STAU2: variants seen among roughly 807,000 people sequenced by gnomAD.
The protein encoded by STAU2 is double-stranded RNA-binding protein Staufen homolog 2.
A neutral mutation model predicts 65.9 loss-of-function variants in STAU2; 20 were observed. The observed-to-expected ratio is 0.30, with a 90% CI of 0.21 to 0.44. STAU2 has a LOEUF of 0.44. STAU2 is among the 20% of genes least tolerant of loss of function. STAU2 has a pLI of 1.00. For synonymous variants in STAU2, 232 were observed against 233.9 expected (o/e 0.99, Z 0.07); for missense variants, 558 against 683.9 (o/e 0.82, Z 2.05).
At chr8:73,612,798 T>C (rs963856247) in intron 9 of STAU2, among the ~76,000 whole-genome samples, 1 of 152,168 alleles carries the variant, frequency 6.6e-6, no homozygotes, top group Admixed American at 6.5e-5. Flanking sequence ...TAATCCTTCA[T>C]TTGTATAGCC....
chr8:73,459,194 T>A (rs893173826), intron 13 of STAU2, among the ~76,000 whole-genome samples: 1 of 152,168 alleles, frequency 6.6e-6, no homozygotes, highest in African/African-American at 2.4e-5. Context: ...TGCAGAGACA[T>A]AATTTGAAAA....
chr8:73,721,287 C>CAAAAAAAAAAAA (rs35721754), intron 3 of STAU2, among the ~76,000 whole-genome samples: 26 of 12,462 alleles, frequency 2.1e-3, no homozygotes, highest in East Asian at 8.2e-3. Flanking sequence ...ACCCCACCTC[C>CAAAAAAAAAAAA]AAAAAAAAAA....
At chr8:73,718,886 T>A (rs1439667254) in intron 3 of STAU2, among the ~76,000 whole-genome samples, 1 of 152,256 alleles carries the variant, frequency 6.6e-6, no homozygotes, top group Non-Finnish European at 1.5e-5. Context: ...TGCTCTTCTA[T>A]CCTGCAACTC....
chr8:73,728,646 T>C (rs1805820818), intron 3 of STAU2, among the ~76,000 whole-genome samples: 1 of 152,200 alleles, frequency 6.6e-6, no homozygotes, highest in Admixed American at 6.5e-5. Flanking sequence ...AGTGCACAAG[T>C]CTTTCATAAG....
At chr8:73,600,406 C>G (rs563648152) in intron 10 of STAU2, among the ~76,000 whole-genome samples, 1 of 152,234 alleles carries the variant, frequency 6.6e-6, no homozygotes, top group South Asian at 2.1e-4. Flanking sequence ...AGTCTTTGGA[C>G]CTCACTCTGA....
chr8:73,727,783 T>C (rs562178904), intron 3 of STAU2: 5 of 152,332 alleles, frequency 3.3e-5, no homozygotes, highest in African/African-American at 7.2e-5. Flanking sequence ...CTTTGAGGAA[T>C]TGTCAAACTC....
chr8:73,607,821 TAA>T (rs1471329798), intron 9 of STAU2, among the ~76,000 whole-genome samples: 1 of 151,746 alleles, frequency 6.6e-6, no homozygotes, highest in African/African-American at 2.4e-5. Flanking sequence ...TTCCTAGAAA[TAA>T]AAGTCTGCGT....
chr8:73,469,783 T>C (rs189649275), intron 13 of STAU2, among the ~76,000 whole-genome samples: 131 of 152,294 alleles, frequency 8.6e-4, no homozygotes, highest in African/African-American at 2.8e-3. Flanking sequence ...GAGAATCAGA[T>C]TAAACCTCGA....
chr8:73,586,405 T>C (rs545545953), intron 11 of STAU2, among the ~76,000 whole-genome samples: 8 of 152,228 alleles, frequency 5.3e-5, no homozygotes, highest in African/African-American at 1.4e-4. Flanking sequence ...GTCAGGTGCC[T>C]ACCCCTTCCT....
chr8:73,575,179 G>C lies in STAU2; in HGVS notation c.1222+7591C>G, dbSNP rs754907331. On this transcript the variant is annotated intron_variant, in intron 12 of 14. Coordinates refer to ENST00000524300, the MANE Select transcript of STAU2 (RefSeq NM_001164380.2). ...GACTAACCAATCTAATGTCCAAAGG[G>C]ACATCAGATATGGTTATGTCATTCA... is the stretch of plus-strand genomic sequence containing the variant. Among the ~76,000 whole-genome samples, 140 of 149,462 alleles carry C rather than the reference G, an allele frequency of 9.4e-4. 1 individual carries two copies. Among genetic ancestry groups the C allele is most frequent in the Middle Eastern group, 6.4e-3 (2 of 312 alleles).
intron 13 of STAU2, among the ~76,000 whole-genome samples, chr8:73,515,779 T>C: frequency 8.4e-6 from 1 of 118,494 alleles, no homozygotes; most frequent in African/African-American, 3.4e-5. Flanking sequence ...TTCTCTTTTT[T>C]TTTTTTTTTT....
chr8:73,700,494 T>C (rs1219750641), intron 4 of STAU2, among the ~76,000 whole-genome samples: 2 of 152,066 alleles, frequency 1.3e-5, no homozygotes, highest in Non-Finnish European at 2.9e-5. Flanking sequence ...AAAATAAATA[T>C]ACTAAATCAG....
chr8:73,604,378 C>T (rs1811861743), intron 9 of STAU2, among the ~76,000 whole-genome samples: 1 of 151,948 alleles, frequency 6.6e-6, no homozygotes, highest in African/African-American at 2.4e-5. Context: ...ACAGGCGCGC[C>T]CACACCATGC....
In STAU2 at chr8:73,602,612, ACT is replaced by A. The variant is rs1392356263; in HGVS notation, c.1029+1112_1029+1113del. Among the ~76,000 whole-genome samples, 3 of 151,828 alleles carry A rather than the reference ACT, an allele frequency of 2.0e-5. No homozygotes were observed. In the East Asian group the frequency reaches 5.8e-4, roughly 29 times the overall value. On this transcript the variant is annotated intron_variant, in intron 10 of 14. Coordinates refer to ENST00000524300, the MANE Select transcript of STAU2 (RefSeq NM_001164380.2). ...TAGTGTATGCGTGTAATCCTAGGCT[ACT>A]CAGGAGGCTGAAAAGGGAGGATCTC...
At chr8:73,476,675 TA>T (rs1448474540) in intron 13 of STAU2, among the ~76,000 whole-genome samples, 1 of 152,174 alleles carries the variant, frequency 6.6e-6, no homozygotes, top group Non-Finnish European at 1.5e-5. Flanking sequence ...ACAACGTAAA[TA>T]TCGAGGCAGA....
intron 10 of STAU2, among the ~76,000 whole-genome samples, chr8:73,602,826 T>C (rs1418363320): frequency 6.6e-6 from 1 of 152,010 alleles, no homozygotes; most frequent in Admixed American, 6.6e-5. Flanking sequence ...TCATGTCTAA[T>C]GTAAGAAAAG....
At chr8:73,521,131 A>G (rs1465986559) in intron 13 of STAU2, among the ~76,000 whole-genome samples, 1 of 152,236 alleles carries the variant, frequency 6.6e-6, no homozygotes, top group Non-Finnish European at 1.5e-5. Context: ...GTTCTAAAAT[A>G]TCATTAGTTG....
At chr8:73,609,970 G>T (rs1440571086) in intron 9 of STAU2, among the ~76,000 whole-genome samples, 1 of 152,100 alleles carries the variant, frequency 6.6e-6, no homozygotes. Context: ...TAATGATGGA[G>T]TTCAGTGTAC....
At chr8:73,467,550 T>A (rs564561747) in intron 13 of STAU2, among the ~76,000 whole-genome samples, 1 of 151,986 alleles carries the variant, frequency 6.6e-6, no homozygotes, top group Non-Finnish European at 1.5e-5. Context: ...ATAAATAATT[T>A]AAAAAAATTG....
Sources: gnomAD v4.1 joint callset for allele counts (sites outside exome capture counted in the v4.1 genomes callset) on GRCh38, gnomAD v4.1.1 for gene constraint, MANE v1.5 for transcripts, NCBI Gene and HGNC (gene_info 2026-07-23, HGNC 2026-07-21) for gene names.